NALF1: variants seen among roughly 807,000 people sequenced by gnomAD.
NALF1 encodes the protein family with sequence similarity 155 member A.
In NALF1, 3 loss-of-function variants were observed where a neutral mutation model predicts 48.4. That is an observed-to-expected ratio of 0.06 (90% CI 0.03 to 0.16). The LOEUF is 0.16. Among genes scored for constraint, NALF1 ranks in the 10% least tolerant of loss-of-function variants. NALF1 has a pLI of 1.00. For synonymous variants in NALF1, 262 were observed against 245.7 expected (o/e 1.07, Z -0.62); for missense variants, 526 against 571.5 (o/e 0.92, Z 0.81).
chr13:107,330,046 T>C (rs187607979), intron 1 of NALF1, among the ~76,000 whole-genome samples: 3 of 152,064 alleles, frequency 2.0e-5, no homozygotes, highest in African/African-American at 7.2e-5. Context: ...TCAGGAGGGA[T>C]TGTTTAGGGA....
intron 1 of NALF1, among the ~76,000 whole-genome samples, chr13:107,255,865 T>A (rs1880803777): frequency 6.6e-6 from 1 of 152,184 alleles, no homozygotes; most frequent in Admixed American, 6.6e-5. Flanking sequence ...TGTCTTTTAA[T>A]AAAGGAAGGT....
intron 2 of NALF1, among the ~76,000 whole-genome samples, chr13:107,187,432 T>A (rs1486939026): frequency 2.0e-5 from 3 of 152,122 alleles, no homozygotes. Context: ...AATTGTCAAG[T>A]CTCTCCAACA....
chr13:107,325,879 T>TATATAC (rs1474443051), intron 1 of NALF1, among the ~76,000 whole-genome samples: 102 of 105,984 alleles, frequency 9.6e-4, no homozygotes, highest in Non-Finnish European at 1.8e-3. Context: ...TATATATATA[T>TATATAC]ATATATATAC....
chr13:107,725,924 CTTT>C (rs1416546129), intron 1 of NALF1, among the ~76,000 whole-genome samples: 1 of 151,906 alleles, frequency 6.6e-6, no homozygotes, highest in Non-Finnish European at 1.5e-5. Context: ...CTGGGTGTTT[CTTT>C]GATCATAAAG....
intron 1 of NALF1, among the ~76,000 whole-genome samples, chr13:107,296,974 A>G (rs555330509): frequency 1.8e-4 from 27 of 149,198 alleles, no homozygotes; most frequent in Admixed American, 8.0e-4. Flanking sequence ...AAATTAATGT[A>G]TCATGATGAG....
At chr13:107,588,663 C>T (rs572941513) in intron 1 of NALF1, among the ~76,000 whole-genome samples, 1 of 152,174 alleles carries the variant, frequency 6.6e-6, no homozygotes, top group Non-Finnish European at 1.5e-5. Context: ...GACATGTAGT[C>T]TTTTAAATCC....
At chr13:107,290,190 A>G (rs1003409693) in intron 1 of NALF1, among the ~76,000 whole-genome samples, 3 of 151,832 alleles carry the variant, frequency 2.0e-5, no homozygotes, top group Admixed American at 1.3e-4. Flanking sequence ...AAAAAAACAA[A>G]AAAAAAAACC....
intron 1 of NALF1, among the ~76,000 whole-genome samples, chr13:107,596,552 TC>T (rs1321091524): frequency 6.6e-6 from 1 of 152,132 alleles, no homozygotes; most frequent in Non-Finnish European, 1.5e-5. Flanking sequence ...ACCATCACTC[TC>T]AGCAAACTAA....
At position 107,362,531 on chromosome 13, in the gene NALF1, C is replaced by T. The variant is rs1883081850; in HGVS notation, c.916-151776G>A. On this transcript the variant is annotated intron_variant, in intron 1 of 2. Transcript: ENST00000375915. This position sits in a 1 kb window ranked among gnomAD's most constrained non-coding sequence, Gnocchi z 4.6. ...CACTTGGCATTCTCCTGTGTGTCCT[C>T]GTCGCGGGGCATTCTCCTCTCCTTA... Among the ~76,000 whole-genome samples the T allele has an allele frequency of 6.6e-6, 1 of 152,132 alleles. No homozygotes were observed. The highest frequency in any genetic ancestry group is 1.5e-5 in the Non-Finnish European group (1 of 68,028).
chr13:107,776,864 G>C (rs1270913218), intron 1 of NALF1, among the ~76,000 whole-genome samples: 2 of 152,206 alleles, frequency 1.3e-5, no homozygotes, highest in East Asian at 3.9e-4. Flanking sequence ...GCCCAGGCAG[G>C]AGGATCCCTT....
At chr13:107,577,470 T>C (rs897817680) in intron 1 of NALF1, among the ~76,000 whole-genome samples, 3 of 98,880 alleles carry the variant, frequency 3.0e-5, no homozygotes, top group Non-Finnish European at 6.0e-5. Flanking sequence ...AAGCTAGATA[T>C]CTGCAATACC....
At chr13:107,183,631 C>T (rs542969286) in intron 2 of NALF1, among the ~76,000 whole-genome samples, 6 of 152,080 alleles carry the variant, frequency 3.9e-5, no homozygotes, top group Non-Finnish European at 7.4e-5. Context: ...AAGAAAATGT[C>T]GCACATATAC....
rs952929352 is a variant in NALF1 at position 107,866,673 on chromosome 13, T to C, written c.-77A>G. 4 of 1,223,670 alleles carry C rather than the reference T, an allele frequency of 3.3e-6. No individual in the cohort carries two copies. Among genetic ancestry groups the C allele is most frequent in the African/African-American group, 1.5e-5 (1 of 65,968 alleles). The allele number at this position is 1,223,670 out of a possible 1,614,324, so 75.8% of individuals were successfully genotyped here. The stretch of plus-strand genomic sequence containing the variant: ...GGTGTCACCACAATATGCATTGACT[T>C]AAAGGGTTTAATTTCCTTATCCCCT... On this transcript the variant is annotated 5_prime_UTR_variant, in exon 1 of 3. Transcript: ENST00000375915. This position sits in a 1 kb window ranked among gnomAD's most constrained non-coding sequence, Gnocchi z 4.4.
At chr13:107,187,014 C>T (rs1000264727) in intron 2 of NALF1, among the ~76,000 whole-genome samples, 2 of 152,188 alleles carry the variant, frequency 1.3e-5, no homozygotes, top group Non-Finnish European at 2.9e-5. Flanking sequence ...TTTCCTGGCT[C>T]ATGTCTCCTT....
intron 1 of NALF1, among the ~76,000 whole-genome samples, chr13:107,597,612 T>C (rs1199435104): frequency 6.6e-6 from 1 of 152,112 alleles, no homozygotes; most frequent in East Asian, 1.9e-4. Context: ...AATGGCTTCC[T>C]TCTAGCAAAA....
At chr13:107,489,408 T>C (rs1185660566) in intron 1 of NALF1, among the ~76,000 whole-genome samples, 2 of 152,144 alleles carry the variant, frequency 1.3e-5, no homozygotes, top group South Asian at 2.1e-4. Context: ...CAAAACAGCA[T>C]GGTACTCGTA....
intron 1 of NALF1, among the ~76,000 whole-genome samples, chr13:107,273,221 G>A: frequency 6.6e-6 from 1 of 152,172 alleles, no homozygotes; most frequent in East Asian, 1.9e-4. Flanking sequence ...ACCTTGTTAT[G>A]TTTCCCCAAG....
chr13:107,444,616 C>G (rs1368449918), intron 1 of NALF1, among the ~76,000 whole-genome samples: 1 of 152,124 alleles, frequency 6.6e-6, no homozygotes, highest in East Asian at 1.9e-4. Flanking sequence ...TTTTGACGAG[C>G]TATAATAGAG....
intron 1 of NALF1, among the ~76,000 whole-genome samples, chr13:107,403,148 C>G (rs1202474141): frequency 1.5e-5 from 2 of 136,810 alleles, no homozygotes; most frequent in African/African-American, 5.4e-5. Context: ...CTTGACCCCA[C>G]ATTTTAGTAC....
Sources: gnomAD v4.1 joint callset for allele counts (sites outside exome capture counted in the v4.1 genomes callset) on GRCh38, gnomAD v4.1.1 for gene constraint, Gnocchi (gnomAD v3.1) non-coding constraint, MANE v1.5 for transcripts, NCBI Gene and HGNC (gene_info 2026-07-23, HGNC 2026-07-21) for gene names.